Variants in TEX9 observed in about 807,000 individuals in gnomAD.
The protein encoded by TEX9 is testis-expressed protein 9.
Under a neutral mutation model 59.6 loss-of-function variants are expected in TEX9, and 74 were observed. The ratio of observed to expected loss-of-function variants is 1.24; its 90% CI spans 1.03 to 1.51. The LOEUF (loss-of-function observed/expected upper bound fraction) is 1.51, where lower values mean the gene tolerates loss of function less well. TEX9 is among the 40% of genes most tolerant of loss of function. The pLI, the probability that TEX9 is intolerant of heterozygous loss-of-function variation, is 0.00. For synonymous variants in TEX9, 186 were observed against 152.2 expected, an observed-to-expected ratio of 1.22 and a Z score of -1.64; for missense variants, 522 against 447.8, an observed-to-expected ratio of 1.17 and a Z score of -1.49.
intron 9 of TEX9, among the ~76,000 whole-genome samples, chr15:56,402,175 AG>A (rs1469862389): frequency 6.6e-6 from 1 of 152,222 alleles, no homozygotes; most frequent in East Asian, 1.9e-4. Context: ...ACCCTTCAAA[AG>A]ATCAATTAAT....
downstream of TEX9, among the ~76,000 whole-genome samples, chr15:56,446,555 G>A (rs905520406): frequency 6.6e-6 from 1 of 151,906 alleles, no homozygotes; most frequent in African/African-American, 2.4e-5. Context: ...GTAACAATTT[G>A]TACTGTACTA....
intron 1 of TEX9, among the ~76,000 whole-genome samples, chr15:56,296,389 A>G (rs1403307769): frequency 2.6e-5 from 4 of 151,906 alleles, no homozygotes; most frequent in African/African-American, 9.7e-5. Context: ...TTGGTTGTCA[A>G]ATTTTCAAGA....
chr15:56,414,237 T>C (rs1419435809), intron 10 of TEX9, among the ~76,000 whole-genome samples: 2 of 127,072 alleles, frequency 1.6e-5, no homozygotes, highest in African/African-American at 5.9e-5. Context: ...GCCAGCCATT[T>C]TGTTTTATTT....
intron 7 of TEX9, 65 bp from the exon 8 acceptor site, chr15:56,394,100 G>A (rs1037557227): frequency 2.3e-5 from 33 of 1,442,384 alleles, no homozygotes; most frequent in African/African-American, 8.5e-5. Context: ...GTAATGGTCT[G>A]TCTTACAATT....
chr15:56,266,022 C>T (rs1351282824), intron 1 of TEX9, among the ~76,000 whole-genome samples: 1 of 152,108 alleles, frequency 6.6e-6, no homozygotes, highest in Non-Finnish European at 1.5e-5. Flanking sequence ...ACCTTTTATT[C>T]TGTCAGATTT....
intron 12 of TEX9, among the ~76,000 whole-genome samples, chr15:56,439,230 G>T (rs992488983): frequency 6.6e-6 from 1 of 152,130 alleles, no homozygotes; most frequent in East Asian, 1.9e-4. Context: ...TACAGGATTT[G>T]TATGCTGAAA....
chr15:56,341,856 A>T (rs1386132850), intron 1 of TEX9, among the ~76,000 whole-genome samples: 1 of 152,134 alleles, frequency 6.6e-6, no homozygotes, highest in Non-Finnish European at 1.5e-5. Context: ...TGCACATGAG[A>T]GTTGATGGTG....
the TEX9 span, among the ~76,000 whole-genome samples, chr15:56,459,990 C>CAAAAAAAAAAAAAAAAAAA: frequency 4.5e-4 from 5 of 11,126 alleles, 1 homozygote; most frequent in African/African-American, 2.2e-3. Flanking sequence ...AATTCTGTCT[C>CAAAAAAAAAAAAAAAAAAA]AAAAAAAAAA....
At chr15:56,438,597 G>A (rs1454593894) in intron 12 of TEX9, among the ~76,000 whole-genome samples, 3 of 152,120 alleles carry the variant, frequency 2.0e-5, no homozygotes, top group Non-Finnish European at 4.4e-5. Context: ...AGGACTTCAT[G>A]TCTAAAACAC....
At chr15:56,345,448 T>C (rs1398588113) in intron 1 of TEX9, among the ~76,000 whole-genome samples, 1 of 152,078 alleles carries the variant, frequency 6.6e-6, no homozygotes, top group Non-Finnish European at 1.5e-5. Flanking sequence ...CAGGTGAAAG[T>C]GTTTTCTGGC....
At chr15:56,386,331 C>T (rs2047958691) in intron 4 of TEX9, among the ~76,000 whole-genome samples, 2 of 151,590 alleles carry the variant, frequency 1.3e-5, no homozygotes, top group Admixed American at 1.3e-4. Context: ...TGGAAATACT[C>T]TCTGTCTTGG....
At chr15:56,428,609 T>C (rs2050443976) in intron 12 of TEX9, 3 of 504,334 alleles carry the variant, frequency 5.9e-6, no homozygotes, top group Non-Finnish European at 6.9e-6. Flanking sequence ...AGCTATTAGC[T>C]CTTTTTGAGT....
intron 1 of TEX9, among the ~76,000 whole-genome samples, chr15:56,316,724 C>G (rs1302470288): frequency 5.3e-5 from 8 of 152,190 alleles, no homozygotes; most frequent in Admixed American, 4.6e-4. Context: ...CAAGCCTGGG[C>G]AATGGTGGGC....
chr15:56,266,501 G>A (rs1300891428), intron 1 of TEX9, among the ~76,000 whole-genome samples: 12 of 97,088 alleles, frequency 1.2e-4, no homozygotes, highest in South Asian at 8.1e-4. Flanking sequence ...GACAGGCCCC[G>A]GTGTGTGATA....
intron 10 of TEX9, among the ~76,000 whole-genome samples, chr15:56,420,057 A>G (rs1021024855): frequency 6.8e-6 from 1 of 146,450 alleles, no homozygotes; most frequent in Admixed American, 6.6e-5. Context: ...ACTGGCATAC[A>G]GTTTTTTACA....
intron 1 of TEX9, among the ~76,000 whole-genome samples, chr15:56,345,306 T>A (rs1398763253): frequency 6.6e-6 from 1 of 151,888 alleles, no homozygotes; most frequent in Non-Finnish European, 1.5e-5. Flanking sequence ...TTTTCTGACA[T>A]ATTTGTGTGT....
At chr15:56,394,927 G>T in intron 9 of TEX9, 93 bp downstream of exon 9, 1 of 1,223,934 alleles carries the variant, frequency 8.2e-7, no homozygotes, top group Non-Finnish European at 1.1e-6. Flanking sequence ...TGACAGTTCA[G>T]TTATTTTATT....
chr15:56,428,371 A>T (rs1567143169), exon 12 of TEX9: 1 of 1,610,932 alleles, frequency 6.2e-7, no homozygotes, highest in East Asian at 2.2e-5. Context: ...TAACAGATGC[A>T]TATTGAAGCT....
chr15:56,360,083 C>T (rs773182509), intron 1 of TEX9, among the ~76,000 whole-genome samples: 1 of 152,094 alleles, frequency 6.6e-6, no homozygotes, highest in Admixed American at 6.6e-5. Flanking sequence ...GAATAAATCC[C>T]ACTCCATTGT....
Sources: allele counts gnomAD v4.1 joint callset (sites outside exome capture counted in the v4.1 genomes callset), GRCh38; gene constraint gnomAD v4.1.1; transcripts MANE v1.5; gene names NCBI Gene and HGNC (gene_info 2026-07-23, HGNC 2026-07-21).